GRIA1: variants seen among roughly 807,000 people sequenced by gnomAD.
The protein encoded by GRIA1 is glutamate ionotropic receptor AMPA type subunit 1, also known as glutamate receptor 1.
A neutral mutation model predicts 99.2 loss-of-function variants in GRIA1; 31 were observed. That is an observed-to-expected ratio of 0.31 (90% CI 0.23 to 0.42). The LOEUF (loss-of-function observed/expected upper bound fraction) is 0.42, where lower values mean the gene tolerates loss of function less well. Among genes scored for constraint, GRIA1 ranks in the 10% least tolerant of loss-of-function variants. The pLI is 1.00. For missense variants in GRIA1, 782 were observed against 1,157.5 expected (o/e 0.68, Z 4.71); for synonymous variants, 438 against 432.4 (o/e 1.01, Z -0.16).
chr5:153,673,215 C>T (rs1162607858), intron 5 of GRIA1, among the ~76,000 whole-genome samples: 1 of 152,172 alleles, frequency 6.6e-6, no homozygotes, highest in African/African-American at 2.4e-5. Flanking sequence ...ATCCCCATAG[C>T]TCAGACACAG....
intron 13 of GRIA1, among the ~76,000 whole-genome samples, chr5:153,775,706 G>A (rs905363354): frequency 3.3e-5 from 5 of 150,106 alleles, no homozygotes; most frequent in Admixed American, 2.7e-4. Context: ...GCAGAATTAT[G>A]TAGATACCTA....
chr5:153,776,651 G>A (rs1394100927), intron 13 of GRIA1, among the ~76,000 whole-genome samples: 1 of 152,122 alleles, frequency 6.6e-6, no homozygotes, highest in Non-Finnish European at 1.5e-5. Context: ...CATTCCCATT[G>A]AGTATATTTT....
intron 11 of GRIA1, among the ~76,000 whole-genome samples, chr5:153,745,438 A>C (rs1762083268): frequency 1.3e-5 from 2 of 151,856 alleles, no homozygotes; most frequent in Non-Finnish European, 2.9e-5. Flanking sequence ...AGATACAAAA[A>C]ATTAGCTGGG....
intron 5 of GRIA1, among the ~76,000 whole-genome samples, chr5:153,665,996 C>T (rs112008598): frequency 5.9e-5 from 9 of 152,270 alleles, no homozygotes; most frequent in Middle Eastern, 6.8e-3. Context: ...GGACAAACAA[C>T]TCATGAGATT....
chr5:153,563,310 G>A (rs190595591), intron 2 of GRIA1, among the ~76,000 whole-genome samples: 7 of 152,034 alleles, frequency 4.6e-5, no homozygotes, highest in Non-Finnish European at 7.4e-5. Flanking sequence ...TCCAGCCCAC[G>A]AGCCCCACGT....
At chr5:153,607,791 G>T (rs970362202) in intron 2 of GRIA1, among the ~76,000 whole-genome samples, 1 of 152,052 alleles carries the variant, frequency 6.6e-6, no homozygotes, top group South Asian at 2.1e-4. Flanking sequence ...CGACAATATG[G>T]TATTATTGTT....
At chr5:153,670,096 G>C (rs1756044519) in intron 5 of GRIA1, among the ~76,000 whole-genome samples, 1 of 152,162 alleles carries the variant, frequency 6.6e-6, no homozygotes, top group Non-Finnish European at 1.5e-5. Context: ...ACGTCCCTCA[G>C]AACCACTTTC....
chr5:153,685,143 T>C (rs1267019341), intron 7 of GRIA1, among the ~76,000 whole-genome samples: 1 of 152,212 alleles, frequency 6.6e-6, no homozygotes, highest in Non-Finnish European at 1.5e-5. Flanking sequence ...GTTGGATTTG[T>C]ATTTGTAACA....
chr5:153,766,529 C>T (rs559044110), intron 12 of GRIA1, among the ~76,000 whole-genome samples: 1 of 152,288 alleles, frequency 6.6e-6, no homozygotes, highest in African/African-American at 2.4e-5. Flanking sequence ...GTATTTGTGG[C>T]AGCCACTTTG....
In GRIA1 at chr5:153,650,404, A is replaced by T; in HGVS notation, c.535A>T (p.Thr179Ser). The change falls in exon 4 of 16, where the codon ACA becomes TCA. Residue 179 changes from threonine (T) to serine (S), a missense_variant. Thr to Ser is a moderately conservative substitution (Grantham distance 58). This residue lies in a region of GRIA1 where 461 missense variants were observed against 521.7 expected (regional missense o/e 0.88). Transcript: ENST00000285900. ...GCAGGTGACAGCAGTCAACATTTTG[A>T]CAACCACAGAGGAGGGATACCGGAT... ...NWQVTAVNIL[T>S]TTEEGYRMLF... 1 of 1,614,068 alleles carries T rather than the reference A, an allele frequency of 6.2e-7. No individual in the cohort carries two copies. The highest frequency in any genetic ancestry group is 8.5e-7 in the Non-Finnish European group (1 of 1,179,956).
At chr5:153,620,257 G>A (rs1213857626) in intron 2 of GRIA1, among the ~76,000 whole-genome samples, 8 of 151,946 alleles carry the variant, frequency 5.3e-5, no homozygotes, top group Admixed American at 5.2e-4. Context: ...TGCTCTTCTA[G>A]AATGGGCTTT....
At chr5:153,637,417 A>G (rs1753443249) in intron 2 of GRIA1, among the ~76,000 whole-genome samples, 1 of 152,152 alleles carries the variant, frequency 6.6e-6, no homozygotes, top group Non-Finnish European at 1.5e-5. Context: ...CCATGACTCT[A>G]TGACTGTTCT....
rs1444806434 is a variant in GRIA1, at chr5:153,807,326, G to C, written c.2521-3699G>C. On this transcript the variant is annotated intron_variant, in intron 15 of 15. Transcript: ENST00000285900. ...ACTGCTTCTTTTCTCAAGAAGCTCA[G>C]AGTTTGATGGGGAAGACAGAACATA... Among the ~76,000 whole-genome samples the C allele has an allele frequency of 2.6e-5, 4 of 152,198 alleles. 1 individual carries two copies. The highest frequency in any genetic ancestry group is 5.9e-5 in the Non-Finnish European group (4 of 68,048).
intron 2 of GRIA1, among the ~76,000 whole-genome samples, chr5:153,497,556 A>C (rs1754563593): frequency 6.6e-6 from 1 of 152,188 alleles, no homozygotes; most frequent in Non-Finnish European, 1.5e-5. Context: ...TTTAGCCCAG[A>C]GGTTCACAAA....
intron 2 of GRIA1, among the ~76,000 whole-genome samples, chr5:153,629,625 C>T (rs1255987606): frequency 1.3e-5 from 2 of 152,220 alleles, no homozygotes; most frequent in African/African-American, 2.4e-5. Flanking sequence ...GGAACACATG[C>T]ACACACGCAT....
chr5:153,500,830 GTAAA>G (rs1561588872), intron 2 of GRIA1, among the ~76,000 whole-genome samples: 3 of 152,114 alleles, frequency 2.0e-5, no homozygotes, highest in African/African-American at 7.2e-5. Flanking sequence ...GTTTGATGCA[GTAAA>G]TAGCATACTG....
intron 2 of GRIA1, among the ~76,000 whole-genome samples, chr5:153,517,265 C>T (rs1756712890): frequency 2.0e-5 from 3 of 152,174 alleles, no homozygotes; most frequent in Admixed American, 2.0e-4. Flanking sequence ...TGACAGCATC[C>T]AGATCCCCAG....
chr5:153,568,372 CA>C (rs764313737), intron 2 of GRIA1, among the ~76,000 whole-genome samples: 2 of 152,220 alleles, frequency 1.3e-5, no homozygotes, highest in Non-Finnish European at 2.9e-5. Flanking sequence ...AGGCCCACCT[CA>C]AACCTACTGA....
At chr5:153,559,736 A>G (rs879482408) in intron 2 of GRIA1, among the ~76,000 whole-genome samples, 2 of 152,148 alleles carry the variant, frequency 1.3e-5, no homozygotes, top group Non-Finnish European at 2.9e-5. Context: ...CAGCTCTATT[A>G]TAATCTTATG....
Sources: gnomAD v4.1 joint callset for allele counts (sites outside exome capture counted in the v4.1 genomes callset) on GRCh38, gnomAD v4.1.1 for gene constraint, gnomAD v4.1.1 regional missense constraint, MANE v1.5 for transcripts, NCBI Gene and HGNC (gene_info 2026-07-23, HGNC 2026-07-21) for gene names.